PIGK: variants seen among roughly 807,000 people sequenced by gnomAD.
PIGK encodes GPI-anchor transamidase.
A neutral mutation model predicts 50.6 loss-of-function variants in PIGK; 42 were observed. The observed-to-expected ratio is 0.83, with a 90% CI of 0.65 to 1.07. PIGK has a LOEUF of 1.07. PIGK is among the 50% of genes least tolerant of loss of function. The pLI, the probability that PIGK is intolerant of heterozygous loss-of-function variation, is 0.00. For missense variants in PIGK, 448 were observed against 488.7 expected (o/e 0.92, Z 0.78); for synonymous variants, 151 against 156.0 (o/e 0.97, Z 0.24).
At chr1:77,163,790 C>A in intron 6 of PIGK, 56 bp downstream of exon 6, 3 of 894,556 alleles carry the variant, frequency 3.4e-6, no homozygotes, top group South Asian at 1.6e-5. Context: ...AATCTACGAA[C>A]CATGTGAAAA....
At chr1:77,110,300 A>T (rs1653808100) in intron 10 of PIGK, among the ~76,000 whole-genome samples, 1 of 152,212 alleles carries the variant, frequency 6.6e-6, no homozygotes, top group Admixed American at 6.5e-5. Context: ...CCGCATTGCC[A>T]AGTCAATCCT....
At chr1:77,165,537 T>G (rs1045572041) in intron 5 of PIGK, among the ~76,000 whole-genome samples, 5 of 151,760 alleles carry the variant, frequency 3.3e-5, no homozygotes, top group African/African-American at 1.2e-4. Flanking sequence ...TCCAAAAAAT[T>G]TATAGAACAT....
chr1:77,100,876 G>A (rs1461985473), intron 10 of PIGK, among the ~76,000 whole-genome samples: 1 of 152,090 alleles, frequency 6.6e-6, no homozygotes, highest in East Asian at 1.9e-4. Flanking sequence ...CAAACACAAA[G>A]AACTGAATTC....
Position 77,099,760 on chromosome 1 carries a change from A to G in PIGK, c.1072-7270T>C, listed in dbSNP as rs529632849. ...ATTTGAGGTAAGTTCATATTAAAGC[A>G]TATCTTGTAATTTCATTTGTGTCCA... is the stretch of plus-strand genomic sequence containing the variant. On this transcript the variant is annotated intron_variant, in intron 10 of 10. Transcript: ENST00000370812. Among the ~76,000 whole-genome samples the G allele has an allele frequency of 3.3e-5, 5 of 152,320 alleles. No homozygotes were observed. The East Asian group carries it at 9.6e-4, about 29-fold the overall frequency.
intron 10 of PIGK, among the ~76,000 whole-genome samples, chr1:77,098,871 A>C (rs188682024): frequency 6.6e-6 from 1 of 152,298 alleles, no homozygotes; most frequent in Admixed American, 6.5e-5. Flanking sequence ...ATTTTTCTTC[A>C]TCATAAACAC....
intron 2 of PIGK, among the ~76,000 whole-genome samples, chr1:77,209,326 A>C (rs1251186536): frequency 6.6e-6 from 1 of 152,158 alleles, no homozygotes; most frequent in Non-Finnish European, 1.5e-5. Context: ...TTAAAACTAC[A>C]AATTTCTGAA....
chr1:77,182,527 TACACAC>T (rs34396665), intron 3 of PIGK, among the ~76,000 whole-genome samples: 3 of 150,216 alleles, frequency 2.0e-5, no homozygotes, highest in Non-Finnish European at 3.0e-5. Flanking sequence ...TATCTATCTG[TACACAC>T]ACACACACAC....
At chr1:77,113,349 A>AGG (rs1653896688) in intron 10 of PIGK, among the ~76,000 whole-genome samples, 1 of 152,082 alleles carries the variant, frequency 6.6e-6, no homozygotes, top group South Asian at 2.1e-4. Flanking sequence ...AATATTCTTT[A>AGG]GGGATGTTTG....
chr1:77,177,386 G>A (rs1655512148), intron 3 of PIGK, among the ~76,000 whole-genome samples: 1 of 152,230 alleles, frequency 6.6e-6, no homozygotes, highest in Non-Finnish European at 1.5e-5. Flanking sequence ...GGCCCACCCA[G>A]GGCAGAAAGC....
At chr1:77,181,775 T>C (rs1320683303) in intron 3 of PIGK, among the ~76,000 whole-genome samples, 1 of 152,198 alleles carries the variant, frequency 6.6e-6, no homozygotes, top group Non-Finnish European at 1.5e-5. Flanking sequence ...TACAGCAATG[T>C]AATTAGGTCA....
intron 10 of PIGK, among the ~76,000 whole-genome samples, chr1:77,116,359 G>A (rs1361299173): frequency 6.6e-6 from 1 of 151,700 alleles, no homozygotes; most frequent in East Asian, 1.9e-4. Context: ...AATTTTTTTT[G>A]TGTTTTTAGT....
At chr1:77,107,581 G>C (rs918339301) in intron 10 of PIGK, among the ~76,000 whole-genome samples, 2 of 152,174 alleles carry the variant, frequency 1.3e-5, no homozygotes, top group African/African-American at 4.8e-5. Context: ...TTGGGGTGGA[G>C]AGTTCTGTAG....
At chr1:77,108,960 C>G (rs1653768339) in intron 10 of PIGK, among the ~76,000 whole-genome samples, 3 of 152,090 alleles carry the variant, frequency 2.0e-5, no homozygotes, top group African/African-American at 7.2e-5. Flanking sequence ...TTAAGGACTT[C>G]TCTACATTGG....
At chr1:77,217,939 AAGTT>A (rs1310757467) in intron 1 of PIGK, among the ~76,000 whole-genome samples, 5 of 152,236 alleles carry the variant, frequency 3.3e-5, no homozygotes, top group African/African-American at 9.6e-5. Flanking sequence ...GAAGCAGTCA[AAGTT>A]AGAATAAAGG....
At chr1:77,188,300 T>C (rs950892438) in intron 3 of PIGK, among the ~76,000 whole-genome samples, 6 of 152,130 alleles carry the variant, frequency 3.9e-5, no homozygotes, top group Non-Finnish European at 7.4e-5. Context: ...AAAGAGAATA[T>C]GTGCCTGGAG....
intron 3 of PIGK, among the ~76,000 whole-genome samples, chr1:77,190,157 G>A (rs1655864993): frequency 6.6e-6 from 1 of 152,044 alleles, no homozygotes; most frequent in East Asian, 1.9e-4. Flanking sequence ...GGAAGCTGAG[G>A]TGGGAGGATC....
chr1:77,133,277 G>A (rs1237964760), intron 9 of PIGK, among the ~76,000 whole-genome samples: 2 of 151,952 alleles, frequency 1.3e-5, no homozygotes, highest in Non-Finnish European at 2.9e-5. Context: ...CCAATTTGCT[G>A]TTAAGCCATC....
At chr1:77,143,642 T>C (rs998465899) in intron 9 of PIGK, among the ~76,000 whole-genome samples, 17 of 152,128 alleles carry the variant, frequency 1.1e-4, no homozygotes, top group South Asian at 2.1e-4. Flanking sequence ...TATTTGAAGG[T>C]ATAACCTACC....
intron 10 of PIGK, among the ~76,000 whole-genome samples, chr1:77,096,827 A>G (rs1653414086): frequency 6.6e-6 from 1 of 151,788 alleles, no homozygotes; most frequent in Non-Finnish European, 1.5e-5. Context: ...ATCCTTTATC[A>G]CCATAACAAA....
Sources: allele counts gnomAD v4.1 joint callset (sites outside exome capture counted in the v4.1 genomes callset), GRCh38; gene constraint gnomAD v4.1.1; transcripts MANE v1.5; gene names NCBI Gene and HGNC (gene_info 2026-07-23, HGNC 2026-07-21).